The following INTS9 variants were observed in gnomAD, a reference collection of about 807,000 sequenced individuals.
INTS9 encodes the protein integrator complex subunit 9.
INTS9 carries 55 observed loss-of-function variants against 79.7 expected under a neutral mutation model. The ratio of observed to expected loss-of-function variants is 0.69; its 90% CI spans 0.56 to 0.86. The LOEUF (loss-of-function observed/expected upper bound fraction) is 0.86. INTS9 is among the 40% of genes least tolerant of loss of function. The probability of loss-of-function intolerance (pLI) is 0.00; values close to 1 mark genes in which losing one functional copy is unlikely to be tolerated. For missense variants in INTS9, 721 were observed against 831.5 expected (o/e 0.87, Z 1.64); for synonymous variants, 319 against 325.2 (o/e 0.98, Z 0.20).
intron 8 of INTS9, among the ~76,000 whole-genome samples, chr8:28,810,733 A>T (rs1461962274): frequency 6.6e-6 from 1 of 152,172 alleles, no homozygotes; most frequent in African/African-American, 2.4e-5. Flanking sequence ...TTACAAACAT[A>T]GAAATAACCA....
At chr8:28,781,443 T>C (rs1291749520) in intron 11 of INTS9, among the ~76,000 whole-genome samples, 1 of 152,204 alleles carries the variant, frequency 6.6e-6, no homozygotes, top group Non-Finnish European at 1.5e-5. Flanking sequence ...CTGGTGGGAA[T>C]GCAAAAGGAT....
At chr8:28,825,292 G>T (rs1434794464) in intron 6 of INTS9, among the ~76,000 whole-genome samples, 1 of 152,196 alleles carries the variant, frequency 6.6e-6, no homozygotes, top group Non-Finnish European at 1.5e-5. Flanking sequence ...AGCAGGGACC[G>T]TGATGGATAA....
intron 1 of INTS9, among the ~76,000 whole-genome samples, chr8:28,883,756 C>T (rs954818410): frequency 6.6e-6 from 1 of 152,106 alleles, no homozygotes; most frequent in Non-Finnish European, 1.5e-5. Context: ...CTGCAATATG[C>T]TTAGTATCTT....
At chr8:28,852,291 ACT>A (rs869271578) in intron 2 of INTS9, among the ~76,000 whole-genome samples, 5 of 89,542 alleles carry the variant, frequency 5.6e-5, no homozygotes, top group African/African-American at 2.0e-4. Context: ...CACCTGATAA[ACT>A]CTTTTTTTTT....
At chr8:28,768,394 C>T (rs760129791) in intron 16 of INTS9, 72 bp from the exon 17 acceptor site, 2 of 1,422,172 alleles carry the variant, frequency 1.4e-6, no homozygotes, top group Non-Finnish European at 2.0e-6. Flanking sequence ...TGACACTTCA[C>T]AGACTCGACT....
intron 9 of INTS9, among the ~76,000 whole-genome samples, chr8:28,794,656 G>A (rs979581871): frequency 6.6e-6 from 1 of 152,170 alleles, no homozygotes; most frequent in African/African-American, 2.4e-5. Context: ...CTCAGTTTCT[G>A]CATCAGTTAC....
At chr8:28,874,302 T>G (rs1809254778) in intron 1 of INTS9, among the ~76,000 whole-genome samples, 1 of 151,778 alleles carries the variant, frequency 6.6e-6, no homozygotes, top group South Asian at 2.1e-4. Flanking sequence ...TTTTTTTTTT[T>G]GTTTTGAGAC....
chr8:28,785,387 T>A (rs942142434), intron 11 of INTS9, among the ~76,000 whole-genome samples: 1 of 152,226 alleles, frequency 6.6e-6, no homozygotes, highest in South Asian at 2.1e-4. Flanking sequence ...GATTTTCTAA[T>A]TCTAAGGTTC....
In INTS9 at chr8:28,806,506, TAA is replaced by T. The variant is rs141635920; in HGVS notation, c.744+5819_744+5820del. 8.9e-3 allele frequency among the ~76,000 whole-genome samples: 1,353 copies of T among 152,236 alleles called. 19 individuals are homozygous for T. Among genetic ancestry groups the T allele is most frequent in the African/African-American group, 0.03 (1,227 of 41,534 alleles). Reference sequence around the variant, plus strand: ...AGAAATCAGTAGCTAAGCAAAGATATAAGACTTGAATAATGCAAAAAACTCAA... The same window carrying T: ...AGAAATCAGTAGCTAAGCAAAGATATGACTTGAATAATGCAAAAAACTCAA... On this transcript the variant is annotated intron_variant, in intron 8 of 16. Coordinates refer to ENST00000521022, the MANE Select transcript of INTS9 (RefSeq NM_018250.4).
chr8:28,873,051 G>A (rs576025906), intron 1 of INTS9, among the ~76,000 whole-genome samples: 72 of 151,492 alleles, frequency 4.8e-4, no homozygotes, highest in Admixed American at 1.8e-3. Context: ...AATACGTATT[G>A]ATTCTGTAAC....
At chr8:28,790,638 C>G (rs1238440358) in intron 10 of INTS9, among the ~76,000 whole-genome samples, 1 of 152,156 alleles carries the variant, frequency 6.6e-6, no homozygotes, top group Non-Finnish European at 1.5e-5. Flanking sequence ...TCTTCTACTT[C>G]TTTAACTATT....
intron 4 of INTS9, among the ~76,000 whole-genome samples, chr8:28,845,233 A>G (rs1410564717): frequency 6.6e-6 from 1 of 152,194 alleles, no homozygotes; most frequent in African/African-American, 2.4e-5. Context: ...TATTTGTACT[A>G]GTTTGTAAAT....
intron 6 of INTS9, among the ~76,000 whole-genome samples, chr8:28,816,099 G>A (rs929587366): frequency 3.3e-5 from 5 of 151,446 alleles, no homozygotes; most frequent in African/African-American, 7.3e-5. Flanking sequence ...GAAAATGCAT[G>A]CCAAGGACTA....
chr8:28,813,786 G>C (rs1805300214), intron 6 of INTS9, 174 bp from the exon 7 acceptor site: 15 of 642,002 alleles, frequency 2.3e-5, no homozygotes, highest in South Asian at 1.5e-4. Flanking sequence ...TTTTGAGACA[G>C]AGTCTCACTG....
intron 12 of INTS9, chr8:28,780,386 T>G (rs1803184591): frequency 1.0e-6 from 1 of 985,040 alleles, no homozygotes; most frequent in Non-Finnish European, 1.2e-6. Flanking sequence ...GTAAACACTC[T>G]ACTTGACCTT....
At chr8:28,768,426 G>A (rs573529119) in intron 16 of INTS9, 104 bp from the exon 17 acceptor site, 9 of 1,031,356 alleles carry the variant, frequency 8.7e-6, no homozygotes, top group East Asian at 7.1e-5. Flanking sequence ...AAACTGACAC[G>A]TCTCAACACA....
intron 1 of INTS9, among the ~76,000 whole-genome samples, chr8:28,875,611 C>A (rs1809338774): frequency 6.6e-6 from 1 of 152,056 alleles, no homozygotes; most frequent in South Asian, 2.1e-4. Flanking sequence ...GGTATTAAGC[C>A]CAGAATCCAT....
At chr8:28,874,646 A>G (rs1809279133) in intron 1 of INTS9, among the ~76,000 whole-genome samples, 1 of 152,106 alleles carries the variant, frequency 6.6e-6, no homozygotes, top group South Asian at 2.1e-4. Context: ...GAGAACCCCC[A>G]TAATTCTTAT....
chr8:28,879,796 AAAG>A (rs1809597160), intron 1 of INTS9, among the ~76,000 whole-genome samples: 2 of 152,222 alleles, frequency 1.3e-5, no homozygotes, highest in African/African-American at 4.8e-5. Context: ...ACACCAAATG[AAAG>A]AAGATGTCTT....
Sources: allele counts gnomAD v4.1 joint callset (sites outside exome capture counted in the v4.1 genomes callset), GRCh38; gene constraint gnomAD v4.1.1; transcripts MANE v1.5; gene names NCBI Gene and HGNC (gene_info 2026-07-23, HGNC 2026-07-21).